TMPRSS11F: variants seen among roughly 807,000 people sequenced by gnomAD.
The protein encoded by TMPRSS11F is transmembrane serine protease 11F, also known as transmembrane protease serine 11F.
A neutral mutation model predicts 60.2 loss-of-function variants in TMPRSS11F; 47 were observed. The observed-to-expected ratio is 0.78, with a 90% confidence interval of 0.62 to 1.00. The LOEUF (loss-of-function observed/expected upper bound fraction) is 1.00, where lower values mean the gene tolerates loss of function less well. Ranked by LOEUF, TMPRSS11F falls within the 50% of genes least tolerant of loss-of-function variation. The pLI is 0.00. For missense variants in TMPRSS11F, 519 were observed against 522.9 expected (o/e 0.99, Z 0.07); for synonymous variants, 166 against 167.3 (o/e 0.99, Z 0.06).
At chr4:68,088,903 G>A (rs896780400) in intron 3 of TMPRSS11F, among the ~76,000 whole-genome samples, 1 of 152,044 alleles carries the variant, frequency 6.6e-6, no homozygotes, top group African/African-American at 2.4e-5. Flanking sequence ...AGAAATCAGA[G>A]ACAAAACAAA....
At position 68,064,764 on chromosome 4, in the gene TMPRSS11F, A is replaced by T. The variant is rs760000777; in HGVS notation, c.936T>A (p.Val312=). The T allele has an allele frequency of 6.2e-7, 1 of 1,614,150 alleles. No homozygotes were observed. The change falls in exon 8 of 10, where the codon GTT becomes GTA. Residue 312 remains valine, a synonymous_variant. Coordinates refer to ENST00000356291, the MANE Select transcript of TMPRSS11F (RefSeq NM_207407.2). ...ACTTTATAGATGAGTCTGGGAGGCA[A>T]ACTCTCTGGACTATATTTGAAAACT... The part of the protein sequence containing the change: ...GVEFSNIVQR[V]CLPDSSIKLP...
chr4:68,122,069 T>C (rs767062492), intron 1 of TMPRSS11F, among the ~76,000 whole-genome samples: 2 of 152,204 alleles, frequency 1.3e-5, no homozygotes, highest in Non-Finnish European at 2.9e-5. Flanking sequence ...AAGTGATTCA[T>C]TAAGACCTAA....
At chr4:68,113,821 A>G (rs1560410711) in intron 1 of TMPRSS11F, among the ~76,000 whole-genome samples, 1 of 152,180 alleles carries the variant, frequency 6.6e-6, no homozygotes, top group Non-Finnish European at 1.5e-5. Context: ...CAACAACAGC[A>G]TAATACACAT....
intron 1 of TMPRSS11F, among the ~76,000 whole-genome samples, chr4:68,099,289 G>A (rs1002536519): frequency 2.6e-5 from 4 of 152,070 alleles, no homozygotes; most frequent in Non-Finnish European, 2.9e-5. Context: ...CATTTTATCC[G>A]GCTTATTGGC....
At chr4:68,069,909 A>T in intron 6 of TMPRSS11F, 60 bp downstream of exon 6, 1 of 1,422,174 alleles carries the variant, frequency 7.0e-7, no homozygotes, top group Non-Finnish European at 9.5e-7. Context: ...ACTTTTCTAT[A>T]ACTTTTTTCA....
At chr4:68,098,270 A>C (rs995607025) in intron 2 of TMPRSS11F, among the ~76,000 whole-genome samples, 4 of 152,074 alleles carry the variant, frequency 2.6e-5, no homozygotes, top group Admixed American at 1.3e-4. Flanking sequence ...GTGCGACTGC[A>C]CTCCAGCCTG....
At chr4:68,067,631 A>T (rs1723358531) in intron 7 of TMPRSS11F, among the ~76,000 whole-genome samples, 1 of 152,264 alleles carries the variant, frequency 6.6e-6, no homozygotes, top group East Asian at 1.9e-4. Context: ...TTTGCCCATA[A>T]GGCATAATGC....
intron 1 of TMPRSS11F, 137 bp from the exon 2 acceptor site, chr4:68,099,175 A>G (rs1276086736): frequency 2.9e-6 from 2 of 695,632 alleles, no homozygotes; most frequent in Non-Finnish European, 4.4e-6. Context: ...AAAGAACAGT[A>G]GGTTTTAATT....
At chr4:68,064,586 T>C in intron 8 of TMPRSS11F, 99 bp downstream of exon 8, 1 of 1,363,438 alleles carries the variant, frequency 7.3e-7, no homozygotes, top group Non-Finnish European at 1.0e-6. Flanking sequence ...GGAAAGACCA[T>C]TACTTTTATT....
At chr4:68,084,141 A>G (rs1045489302) in intron 3 of TMPRSS11F, among the ~76,000 whole-genome samples, 7 of 152,144 alleles carry the variant, frequency 4.6e-5, no homozygotes, top group African/African-American at 1.2e-4. Flanking sequence ...TTAAAAAAGA[A>G]CGAAACCTCC....
chr4:68,093,580 G>A (rs1461072075), intron 2 of TMPRSS11F, among the ~76,000 whole-genome samples: 1 of 151,932 alleles, frequency 6.6e-6, no homozygotes, highest in Non-Finnish European at 1.5e-5. Context: ...CTTCTGCACA[G>A]CAAAAGAAAC....
intron 3 of TMPRSS11F, among the ~76,000 whole-genome samples, chr4:68,088,716 A>G (rs1723865758): frequency 6.6e-6 from 1 of 152,198 alleles, no homozygotes; most frequent in Non-Finnish European, 1.5e-5. Context: ...GTGCAATCAA[A>G]CTAGAACTCG....
chr4:68,070,907 C>T (rs1477017840), intron 5 of TMPRSS11F, among the ~76,000 whole-genome samples: 1 of 152,158 alleles, frequency 6.6e-6, no homozygotes, highest in Non-Finnish European at 1.5e-5. Context: ...CAGAAGAAAA[C>T]ATACACAGTT....
At chr4:68,077,607 T>A (rs1358503885) in intron 3 of TMPRSS11F, 1 of 152,234 alleles carries the variant, frequency 6.6e-6, no homozygotes, top group Non-Finnish European at 1.5e-5. Context: ...CAGCACAGCA[T>A]CAAGATAAGG....
intron 1 of TMPRSS11F, among the ~76,000 whole-genome samples, chr4:68,102,279 A>G (rs1395400107): frequency 6.6e-6 from 1 of 152,184 alleles, no homozygotes; most frequent in African/African-American, 2.4e-5. Context: ...AGCAATGAAT[A>G]TGGGAGTGCA....
intron 1 of TMPRSS11F, among the ~76,000 whole-genome samples, chr4:68,113,859 T>TA (rs1359889913): frequency 3.3e-5 from 5 of 151,876 alleles, no homozygotes; most frequent in East Asian, 1.9e-4. Flanking sequence ...ACAAAACTAA[T>TA]AAAAAAAGAG....
At chr4:68,055,034 G>A (rs1577906235) in intron 9 of TMPRSS11F, among the ~76,000 whole-genome samples, 1 of 152,290 alleles carries the variant, frequency 6.6e-6, no homozygotes, top group South Asian at 2.1e-4. Flanking sequence ...GAGCACAAGG[G>A]AAGTGGGGGT....
intron 2 of TMPRSS11F, among the ~76,000 whole-genome samples, chr4:68,091,706 T>C (rs1242516010): frequency 1.3e-5 from 2 of 152,050 alleles, no homozygotes; most frequent in Non-Finnish European, 2.9e-5. Flanking sequence ...AATTAATTTT[T>C]CAGTCTTTAA....
At chr4:68,062,549 G>T in intron 8 of TMPRSS11F, 2 of 782,160 alleles carry the variant, frequency 2.6e-6, no homozygotes, top group South Asian at 2.7e-5. Flanking sequence ...TATTCATCGT[G>T]ACTCTAGCAA....
Sources: allele counts gnomAD v4.1 joint callset (sites outside exome capture counted in the v4.1 genomes callset), GRCh38; gene constraint gnomAD v4.1.1; transcripts MANE v1.5; gene names NCBI Gene and HGNC (gene_info 2026-07-23, HGNC 2026-07-21).